Variants in ZNF93 observed in about 807,000 individuals in gnomAD.
ZNF93 encodes the protein zinc finger protein 93, also known as zinc finger protein 505.
A neutral mutation model predicts 45.0 loss-of-function variants in ZNF93; 29 were observed. The observed-to-expected ratio is 0.64, with a 90% CI of 0.48 to 0.88. The LOEUF is 0.88. Among genes scored for constraint, ZNF93 ranks in the 40% least tolerant of loss-of-function variants. The pLI is 0.00. For missense variants in ZNF93, 578 were observed against 724.0 expected (o/e 0.80, Z 2.31); for synonymous variants, 223 against 244.6 (o/e 0.91, Z 0.82).
rs754836018 is a variant in ZNF93 at position 19,933,612 on chromosome 19, T to G, written c.657T>G (p.His219Gln). 7 of 1,609,636 alleles carry G rather than the reference T, an allele frequency of 4.3e-6. No individual in the cohort carries two copies. The South Asian group carries it at 7.7e-5, about 18-fold the overall frequency. The change falls in exon 4 of 4, where the codon CAT becomes CAG. Residue 219 changes from histidine (H) to glutamine (Q), a missense_variant. Coordinates refer to ENST00000343769, the MANE Select transcript of ZNF93 (RefSeq NM_031218.4). ...AFKYSSALNT[H>Q]KRIHTGEKPY... is the part of the protein sequence containing the mutation. ...AGTACTCCTCTGCCCTTAATACACA[T>G]AAGAGAATTCATACTGGAGAGAAAC...
intron 1 of ZNF93, among the ~76,000 whole-genome samples, chr19:19,913,924 A>T (rs190160618): frequency 6.6e-6 from 1 of 152,180 alleles, no homozygotes; most frequent in Non-Finnish European, 1.5e-5. Context: ...ACAAACCTTT[A>T]CTTCTCTACT....
At chr19:19,908,626 T>G (rs1233703080) in intron 1 of ZNF93, 1 of 152,012 alleles carries the variant, frequency 6.6e-6, no homozygotes, top group African/African-American at 2.4e-5. Flanking sequence ...GCAGATCACC[T>G]GAGGTCAGGA....
chr19:19,905,222 CTTTTA>C (rs1290102242), intron 1 of ZNF93, among the ~76,000 whole-genome samples: 2 of 151,574 alleles, frequency 1.3e-5, no homozygotes, highest in African/African-American at 4.8e-5. Flanking sequence ...TTTCTTTTAG[CTTTTA>C]TTTTTGGTTT....
intron 3 of ZNF93, among the ~76,000 whole-genome samples, chr19:19,918,357 T>G (rs927327179): frequency 2.6e-5 from 4 of 152,150 alleles, no homozygotes; most frequent in Non-Finnish European, 4.4e-5. Context: ...ATCATTGTTG[T>G]ACATTTGGGT....
At chr19:19,923,426 C>G (rs1278624179) in intron 3 of ZNF93, among the ~76,000 whole-genome samples, 1 of 152,214 alleles carries the variant, frequency 6.6e-6, no homozygotes, top group East Asian at 1.9e-4. Flanking sequence ...TCTCAGATCT[C>G]AAGCTCCATG....
intron 3 of ZNF93, among the ~76,000 whole-genome samples, chr19:19,922,243 C>A (rs10413348): frequency 0.1 from 15,467 of 152,134 alleles, 1,536 homozygotes; most frequent in African/African-American, 0.26. Flanking sequence ...GTTAAAAATT[C>A]TTTTCTTTAA....
intron 3 of ZNF93, among the ~76,000 whole-genome samples, chr19:19,922,394 G>A (rs2063344610): frequency 6.6e-6 from 1 of 152,080 alleles, no homozygotes; most frequent in South Asian, 2.1e-4. Flanking sequence ...TTCAACTTTG[G>A]TGAATCTGAC....
chr19:19,904,621 A>G (rs749020699), intron 1 of ZNF93, among the ~76,000 whole-genome samples: 12 of 152,132 alleles, frequency 7.9e-5, no homozygotes, highest in Non-Finnish European at 1.6e-4. Context: ...GGTGTTGGAG[A>G]ATTGTTTGAT....
chr19:19,905,945 A>G (rs569746779), intron 1 of ZNF93, among the ~76,000 whole-genome samples: 18 of 152,316 alleles, frequency 1.2e-4, no homozygotes, highest in African/African-American at 4.3e-4. Context: ...TGGCCTGTCC[A>G]TGTCTTTGCT....
intron 1 of ZNF93, among the ~76,000 whole-genome samples, chr19:19,906,122 G>A (rs953412920): frequency 6.6e-6 from 1 of 152,138 alleles, no homozygotes; most frequent in Non-Finnish European, 1.5e-5. Context: ...TTTTACAGTT[G>A]TTGAACTAAT....
At chr19:19,927,230 A>G (rs2063358996) in intron 3 of ZNF93, 2 of 398,326 alleles carry the variant, frequency 5.0e-6, no homozygotes, top group Non-Finnish European at 8.8e-6. Context: ...ACCCCTCTCT[A>G]TGAAAAAAAT....
chr19:19,921,910 T>G (rs1451530682), intron 3 of ZNF93, among the ~76,000 whole-genome samples: 1 of 152,204 alleles, frequency 6.6e-6, no homozygotes. Context: ...TTGCCAGTCT[T>G]TGTCTTTTAA....
At chr19:19,932,296 T>C (rs1355340587) in intron 3 of ZNF93, 1 of 154,614 alleles carries the variant, frequency 6.5e-6, no homozygotes, top group Non-Finnish European at 1.4e-5. Flanking sequence ...GACATTGTTA[T>C]GCAACATATC....
At position 19,925,173 on chromosome 19, in the gene ZNF93, C is replaced by T. The variant is rs2063352913; in HGVS notation, c.227-8009C>T. Among the ~76,000 whole-genome samples the T allele has an allele frequency of 2.0e-5, 3 of 152,296 alleles. No individual in the cohort carries two copies. In the South Asian group the frequency reaches 6.2e-4, roughly 32 times the overall value. On this transcript the variant is annotated intron_variant, in intron 3 of 3. Coordinates refer to ENST00000343769, the MANE Select transcript of ZNF93 (RefSeq NM_031218.4). ...TGGGCTGTAGCCAAGAACAGGGGTC[C>T]TGTAGTTTCCCACCTGAATGAAGGC...
intron 1 of ZNF93, among the ~76,000 whole-genome samples, chr19:19,912,006 C>A (rs1321125787): frequency 6.6e-6 from 1 of 152,104 alleles, no homozygotes; most frequent in Non-Finnish European, 1.5e-5. Flanking sequence ...GCCTTGGTCT[C>A]CCAAAGTCTT....
chr19:19,910,051 CAG>C lies in ZNF93; in HGVS notation c.4-5226_4-5225del, dbSNP rs2063303385. On this transcript the variant is annotated intron_variant, in intron 1 of 3. Transcript: ENST00000343769. ...AAACTATGGAGCCCAGAAACCCAAT[CAG>C]AGTAACATGTGTGTGCTGAGTAGAC... is the stretch of plus-strand genomic sequence containing the variant. Among the ~76,000 whole-genome samples the C allele has an allele frequency of 2.0e-5, 3 of 151,418 alleles. No individual in the cohort carries two copies. In the East Asian group the frequency reaches 6.0e-4, roughly 30 times the overall value.
intron 1 of ZNF93, among the ~76,000 whole-genome samples, chr19:19,901,910 T>C (rs2063273038): frequency 6.6e-6 from 1 of 152,044 alleles, no homozygotes; most frequent in Non-Finnish European, 1.5e-5. Flanking sequence ...GCCAACATAG[T>C]GAAACCCCGT....
At chr19:19,931,312 CCT>C (rs1297835803) in intron 3 of ZNF93, among the ~76,000 whole-genome samples, 1 of 151,896 alleles carries the variant, frequency 6.6e-6, no homozygotes, top group Non-Finnish European at 1.5e-5. Flanking sequence ...GCCTCAGCCC[CCT>C]GAGTAGCTGG....
chr19:19,934,084 G>A lies in ZNF93; in HGVS notation c.1129G>A (p.Ala377Thr), dbSNP rs763496420. ...KHYKCEECGK[A>T]FIWSSVLTRH... The stretch of plus-strand genomic sequence containing the variant: ...TTACAAATGTGAAGAATGTGGCAAA[G>A]CCTTCATTTGGTCCTCAGTCCTAAC... The change falls in exon 4 of 4, where the codon GCC (alanine) becomes ACC (threonine). Residue 377 changes from alanine (A) to threonine (T), a missense_variant. Ala to Thr is a moderately conservative substitution (Grantham distance 58). Around this residue, in one of 3 missense-constraint regions of ZNF93, gnomAD observed 446 missense variants for 547.6 expected, o/e 0.81. Transcript: ENST00000343769. 1.6e-5 allele frequency: 25 copies of A among 1,612,006 alleles called. 1 individual carries two copies. The East Asian group carries it at 5.4e-4, about 35-fold the overall frequency.
Sources: gnomAD v4.1 joint callset for allele counts (sites outside exome capture counted in the v4.1 genomes callset) on GRCh38, gnomAD v4.1.1 for gene constraint, gnomAD v4.1.1 regional missense constraint, MANE v1.5 for transcripts, NCBI Gene and HGNC (gene_info 2026-07-23, HGNC 2026-07-21) for gene names.